TMEM132C: variants seen among roughly 807,000 people sequenced by gnomAD.
TMEM132C encodes the protein transmembrane protein 132C, also known as protein phosphatase 1, regulatory subunit 152.
In TMEM132C, 29 loss-of-function variants were observed where a neutral mutation model predicts 61.4. The ratio of observed to expected loss-of-function variants is 0.47; its 90% CI spans 0.35 to 0.64. The LOEUF is 0.64. Ranked by LOEUF, TMEM132C falls within the 30% of genes least tolerant of loss-of-function variation. The pLI is 0.00. For missense variants in TMEM132C, 1,408 were observed against 1,476.9 expected (o/e 0.95, Z 0.76); for synonymous variants, 656 against 633.1 (o/e 1.04, Z -0.54).
intron 1 of TMEM132C, among the ~76,000 whole-genome samples, chr12:128,396,453 A>G (rs1874960101): frequency 7.1e-6 from 1 of 141,816 alleles, no homozygotes; most frequent in East Asian, 2.0e-4. Context: ...TACCTAGTGC[A>G]CGCGGGGCCT....
intron 3 of TMEM132C, among the ~76,000 whole-genome samples, chr12:128,547,188 T>A (rs538105783): frequency 6.6e-6 from 1 of 152,270 alleles, no homozygotes; most frequent in South Asian, 2.1e-4. Flanking sequence ...GTATTCTTGC[T>A]TCAAGGTGAG....
intron 5 of TMEM132C, among the ~76,000 whole-genome samples, chr12:128,675,189 T>G (rs1954571464): frequency 6.6e-6 from 1 of 152,130 alleles, no homozygotes; most frequent in South Asian, 2.1e-4. Flanking sequence ...GTTCTGTGAT[T>G]TTGGTAAGGA....
chr12:128,334,302 G>A (rs888650475), intron 1 of TMEM132C, among the ~76,000 whole-genome samples: 1 of 152,016 alleles, frequency 6.6e-6, no homozygotes, highest in African/African-American at 2.4e-5. Context: ...GACCGCCACC[G>A]CCCACCCACC....
chr12:128,558,852 G>C (rs12311874), intron 3 of TMEM132C, among the ~76,000 whole-genome samples: 2,515 of 152,234 alleles, frequency 0.017, 67 homozygotes, highest in African/African-American at 0.057. Flanking sequence ...AAAGGTCCTA[G>C]GCTTGTTGCA....
intron 4 of TMEM132C, among the ~76,000 whole-genome samples, chr12:128,665,957 ACACACACG>A (rs1954463918): frequency 6.7e-6 from 1 of 150,354 alleles, no homozygotes; most frequent in African/African-American, 2.5e-5. Flanking sequence ...AGGCACACAC[ACACACACG>A]GGCACATGTA....
chr12:128,504,756 C>T (rs1483624222), intron 2 of TMEM132C, among the ~76,000 whole-genome samples: 1 of 136,688 alleles, frequency 7.3e-6, no homozygotes, highest in East Asian at 2.2e-4. Context: ...TCCTTATAGG[C>T]CCTGTCTCTA....
chr12:128,595,069 C>T (rs1267275723), intron 3 of TMEM132C, among the ~76,000 whole-genome samples: 2 of 152,162 alleles, frequency 1.3e-5, no homozygotes, highest in Admixed American at 6.5e-5. Context: ...TCACCGCCAT[C>T]GGTGAAGCTG....
In TMEM132C at chr12:128,551,223, G is replaced by A. The variant is rs552506749; in HGVS notation, c.1121+7120G>A. The stretch of plus-strand genomic sequence containing the variant: ...GAAACATAAGAGCCCCCCCCCTCCC[G>A]CTTCCTCCCCTGGTGAAATGTCCTC... On this transcript the variant is annotated intron_variant, in intron 3 of 8. Coordinates refer to ENST00000435159, the MANE Select transcript of TMEM132C (RefSeq NM_001136103.3). Among the ~76,000 whole-genome samples, 15 of 144,420 alleles carry A rather than the reference G, an allele frequency of 1.0e-4. No individual in the cohort carries two copies. In the South Asian group the frequency reaches 3.0e-3, roughly 29 times the overall value. 94.7% of individuals were successfully genotyped at this position (144,420 alleles called of 152,430 possible).
intron 2 of TMEM132C, among the ~76,000 whole-genome samples, chr12:128,502,391 G>A (rs1872212704): frequency 6.6e-6 from 1 of 152,246 alleles, no homozygotes; most frequent in Non-Finnish European, 1.5e-5. Context: ...TGATTCCTGG[G>A]CTTCTACAGG....
At chr12:128,466,699 G>T (rs199814299) in intron 2 of TMEM132C, among the ~76,000 whole-genome samples, 1 of 152,088 alleles carries the variant, frequency 6.6e-6, no homozygotes, top group Non-Finnish European at 1.5e-5. Flanking sequence ...TTTTTTGTTT[G>T]TAGAGATAGG....
At chr12:128,267,863 A>G (rs1870365713) in intron 1 of TMEM132C, among the ~76,000 whole-genome samples, 1 of 152,076 alleles carries the variant, frequency 6.6e-6, no homozygotes, top group Non-Finnish European at 1.5e-5. Context: ...CATCCAGGAG[A>G]GGTGCTCCGC....
chr12:128,283,861 C>T (rs1229235141), intron 1 of TMEM132C, among the ~76,000 whole-genome samples: 1 of 152,162 alleles, frequency 6.6e-6, no homozygotes, highest in Non-Finnish European at 1.5e-5. Flanking sequence ...CTCCTCTGAC[C>T]CCCTGCCTCA....
intron 2 of TMEM132C, among the ~76,000 whole-genome samples, chr12:128,513,971 C>T (rs759561668): frequency 8.5e-5 from 13 of 152,154 alleles, no homozygotes; most frequent in Non-Finnish European, 1.9e-4. Context: ...AGGGTGGCAT[C>T]GCCTCTTGGC....
chr12:128,604,697 A>G lies in TMEM132C; in HGVS notation c.1122-11455A>G, dbSNP rs187801207. Reference sequence around the variant, plus strand: ...TAGATCATAGAGGGGTAGATAGATAATAGATGGCTAGATAGATAAATAATA... The same window carrying G: ...TAGATCATAGAGGGGTAGATAGATAGTAGATGGCTAGATAGATAAATAATA... On this transcript the variant is annotated intron_variant, in intron 3 of 8. Coordinates refer to ENST00000435159, the MANE Select transcript of TMEM132C (RefSeq NM_001136103.3). Among the ~76,000 whole-genome samples, 469 of 152,100 alleles carry G rather than the reference A, an allele frequency of 3.1e-3. 1 individual carries two copies. The highest frequency in any genetic ancestry group is 5.6e-3 in the Non-Finnish European group (379 of 68,010).
At chr12:128,508,043 C>T (rs945024320) in intron 2 of TMEM132C, among the ~76,000 whole-genome samples, 1 of 152,020 alleles carries the variant, frequency 6.6e-6, no homozygotes, top group African/African-American at 2.4e-5. Context: ...ACCTTGACAC[C>T]CTTGGTTTGT....
intron 4 of TMEM132C, among the ~76,000 whole-genome samples, chr12:128,648,788 G>T (rs140384560): frequency 6.9e-6 from 1 of 143,904 alleles, no homozygotes. Flanking sequence ...GTCCATCAGC[G>T]TTGGATGAGT....
chr12:128,313,868 C>A (rs1872058363), intron 1 of TMEM132C, among the ~76,000 whole-genome samples: 1 of 152,158 alleles, frequency 6.6e-6, no homozygotes, highest in Non-Finnish European at 1.5e-5. Context: ...AAAGAAATGG[C>A]CAAGCATGTG....
At chr12:128,670,651 C>T in intron 5 of TMEM132C, among the ~76,000 whole-genome samples, 1 of 152,006 alleles carries the variant, frequency 6.6e-6, no homozygotes, top group East Asian at 1.9e-4. Flanking sequence ...GTTTATACAC[C>T]ACATTCTCTT....
intron 2 of TMEM132C, among the ~76,000 whole-genome samples, chr12:128,531,118 C>A (rs76601298): frequency 6.6e-6 from 1 of 152,034 alleles, no homozygotes; most frequent in Non-Finnish European, 1.5e-5. Flanking sequence ...AGAAACATTC[C>A]TTTTGCTAAA....
Sources: allele counts gnomAD v4.1 joint callset (sites outside exome capture counted in the v4.1 genomes callset), GRCh38; gene constraint gnomAD v4.1.1; transcripts MANE v1.5; gene names NCBI Gene and HGNC (gene_info 2026-07-23, HGNC 2026-07-21).